The following TIAM1 variants were observed in gnomAD, a reference collection of about 807,000 sequenced individuals.
The protein encoded by TIAM1 is rho guanine nucleotide exchange factor TIAM1.
A neutral mutation model predicts 163.5 loss-of-function variants in TIAM1; 65 were observed. The ratio of observed to expected loss-of-function variants is 0.40; its 90% CI spans 0.33 to 0.49. The LOEUF (loss-of-function observed/expected upper bound fraction) is 0.49, where lower values mean the gene tolerates loss of function less well. Among genes scored for constraint, TIAM1 ranks in the 20% least tolerant of loss-of-function variants. The pLI is 0.77. For synonymous variants in TIAM1, 833 were observed against 810.1 expected (o/e 1.03, Z -0.48); for missense variants, 1,789 against 2,044.7 (o/e 0.87, Z 2.41).
At position 31,211,309 on chromosome 21, in the gene TIAM1, G is replaced by C. The variant is rs77489435; in HGVS notation, c.2218-1094C>G. ...GCTTGATATAATGTTACTTTCCTTA[G>C]ATTGATACAATGTTAGGAGCCCCGC... On this transcript the variant is annotated intron_variant, in intron 10 of 27. Transcript: ENST00000541036. 7.5e-4 allele frequency among the ~76,000 whole-genome samples: 114 copies of C among 152,262 alleles called. 5 individuals are homozygous for C. The East Asian group carries it at 0.017, about 22-fold the overall frequency.
chr21:31,153,103 T>A lies in TIAM1; in HGVS notation c.3203A>T (p.Lys1068Met). 1.2e-6 allele frequency: 2 copies of A among 1,613,560 alleles called. No homozygotes were observed. The highest frequency in any genetic ancestry group is 1.7e-6 in the Non-Finnish European group (2 of 1,179,832). Residue 1068 changes from lysine to methionine, a missense_variant, in exon 18 of 28, where the codon AAG becomes ATG. Coordinates refer to ENST00000541036, the MANE Select transcript of TIAM1 (RefSeq NM_001353694.2). ...DLNCLMERYL[K>M]PLQKETFLTQ... The stretch of plus-strand genomic sequence containing the variant: ...GAGAAAAGTTTCTTTTTGAAGAGGC[T>A]TTAGGTATCTCTCCATAAGACAGTT...
At chr21:31,481,715 G>A (rs982200249) in intron 1 of TIAM1, among the ~76,000 whole-genome samples, 75 of 152,144 alleles carry the variant, frequency 4.9e-4, no homozygotes, top group African/African-American at 1.8e-3. Flanking sequence ...AATGTGTTGG[G>A]GAGAGCACCC....
At position 31,447,591 on chromosome 21, in the gene TIAM1, TG is replaced by T. The variant is rs558773947; in HGVS notation, c.-369+16391del. On this transcript the variant is annotated intron_variant, in intron 2 of 28. Transcript: ENST00000286827. ...GATCTGAATGTGTTAAAAACTGAAC[TG>T]TGAGTTCGGAGATAAGAGGAGCAAA... 9.9e-5 allele frequency among the ~76,000 whole-genome samples: 15 copies of T among 152,252 alleles called. 1 individual carries two copies. The South Asian group carries it at 2.9e-3, about 29-fold the overall frequency.
intron 2 of TIAM1, among the ~76,000 whole-genome samples, chr21:31,336,647 C>T (rs1436311255): frequency 6.6e-6 from 1 of 152,098 alleles, no homozygotes; most frequent in Non-Finnish European, 1.5e-5. Flanking sequence ...GCACAGGGCA[C>T]AGTCACAGGT....
chr21:31,435,889 T>C (rs6517034), intron 2 of TIAM1, among the ~76,000 whole-genome samples: 19,130 of 152,184 alleles, frequency 0.13, 2,074 homozygotes, highest in African/African-American at 0.29. Context: ...CATGTGATGC[T>C]TTGCATCAGG....
At chr21:31,157,294 C>T (rs1479019615) in intron 16 of TIAM1, among the ~76,000 whole-genome samples, 1 of 152,034 alleles carries the variant, frequency 6.6e-6, no homozygotes. Flanking sequence ...GTGGTCATAG[C>T]GGTAGTGTGT....
intron 15 of TIAM1, among the ~76,000 whole-genome samples, chr21:31,178,798 C>G (rs1303274549): frequency 6.6e-6 from 1 of 151,974 alleles, no homozygotes; most frequent in African/African-American, 2.4e-5. Flanking sequence ...GTTGCCCAGA[C>G]TGGAGTGCAA....
At chr21:31,232,576 C>T (rs776723465) in intron 6 of TIAM1, among the ~76,000 whole-genome samples, 22 of 152,294 alleles carry the variant, frequency 1.4e-4, no homozygotes, top group Non-Finnish European at 2.4e-4. Context: ...TGGCTTAACA[C>T]CTCAACTGCT....
At chr21:31,217,832 T>A in intron 8 of TIAM1, 133 bp from the exon 9 acceptor site, 1 of 1,023,882 alleles carries the variant, frequency 9.8e-7, no homozygotes, top group Non-Finnish European at 1.4e-6. Context: ...CCCCAATGCC[T>A]AAAGTATTCA....
intron 1 of TIAM1, among the ~76,000 whole-genome samples, chr21:31,496,139 AAAAAT>A (rs1399188118): frequency 1.3e-5 from 2 of 152,184 alleles, no homozygotes; most frequent in Non-Finnish European, 2.9e-5. Context: ...AAAAAGTTAA[AAAAAT>A]AAAATAAAAT....
At chr21:31,552,109 G>A (rs967769740) in intron 1 of TIAM1, among the ~76,000 whole-genome samples, 5 of 133,628 alleles carry the variant, frequency 3.7e-5, no homozygotes, top group African/African-American at 5.8e-5. Context: ...CCAGGCTGGA[G>A]TGCAGTGGCG....
At chr21:31,482,475 T>C (rs1429789556) in intron 1 of TIAM1, among the ~76,000 whole-genome samples, 2 of 152,144 alleles carry the variant, frequency 1.3e-5, no homozygotes, top group African/African-American at 4.8e-5. Flanking sequence ...AAATTCTGCC[T>C]TGCACACCAA....
At chr21:31,520,903 C>T (rs1234551909) in intron 1 of TIAM1, among the ~76,000 whole-genome samples, 2 of 152,216 alleles carry the variant, frequency 1.3e-5, no homozygotes, top group East Asian at 1.9e-4. Context: ...CTGCCTTTTC[C>T]GTAAGGTGAA....
chr21:31,359,738 G>A (rs545333570), intron 2 of TIAM1, among the ~76,000 whole-genome samples: 4 of 150,754 alleles, frequency 2.7e-5, no homozygotes, highest in East Asian at 2.0e-4. Context: ...GCAACAAGTC[G>A]AGATCACACC....
At chr21:31,416,246 C>T (rs974571951) in intron 2 of TIAM1, among the ~76,000 whole-genome samples, 4 of 152,168 alleles carry the variant, frequency 2.6e-5, no homozygotes, top group African/African-American at 7.2e-5. Flanking sequence ...CTCTGCCACC[C>T]GATGCCTCCC....
At chr21:31,148,434 G>A (rs1447490493) in intron 19 of TIAM1, among the ~76,000 whole-genome samples, 1 of 152,060 alleles carries the variant, frequency 6.6e-6, no homozygotes, top group Non-Finnish European at 1.5e-5. Context: ...TCCTCCTGAG[G>A]CCTCCCCAGC....
At chr21:31,443,492 A>C (rs1227191450) in intron 2 of TIAM1, among the ~76,000 whole-genome samples, 1 of 152,176 alleles carries the variant, frequency 6.6e-6, no homozygotes, top group East Asian at 1.9e-4. Flanking sequence ...AAGTGTTAAT[A>C]TTCTTTCAAT....
At chr21:31,270,067 T>C (rs2072989839) in intron 3 of TIAM1, among the ~76,000 whole-genome samples, 1 of 152,226 alleles carries the variant, frequency 6.6e-6, no homozygotes, top group African/African-American at 2.4e-5. Flanking sequence ...CTTAACCCTT[T>C]TTATTTTTAT....
intron 23 of TIAM1, among the ~76,000 whole-genome samples, chr21:31,132,552 C>CTA (rs766208301): frequency 4.6e-5 from 7 of 152,178 alleles, no homozygotes; most frequent in Non-Finnish European, 1.0e-4. Flanking sequence ...TGAAAGAGCT[C>CTA]TACCCCAATG....
Sources: gnomAD v4.1 joint callset for allele counts (sites outside exome capture counted in the v4.1 genomes callset) on GRCh38, gnomAD v4.1.1 for gene constraint, MANE v1.5 for transcripts, NCBI Gene and HGNC (gene_info 2026-07-23, HGNC 2026-07-21) for gene names.